Variants in DIAPH2 observed in about 807,000 individuals in gnomAD.
DIAPH2 encodes the protein protein diaphanous homolog 2.
In DIAPH2, 35 loss-of-function variants were observed where a neutral mutation model predicts 92.7. The observed-to-expected ratio is 0.38, with a 90% CI of 0.29 to 0.50. The LOEUF (loss-of-function observed/expected upper bound fraction) is 0.50. Among genes scored for constraint, DIAPH2 ranks in the 20% least tolerant of loss-of-function variants. DIAPH2 has a pLI of 0.94. For missense variants in DIAPH2, 701 were observed against 819.5 expected, an observed-to-expected ratio of 0.86 and a Z score of 1.77; for synonymous variants, 301 against 280.4, an observed-to-expected ratio of 1.07 and a Z score of -0.73.
chrX:97,232,084 A>T (rs2068013462), intron 22 of DIAPH2, among the ~76,000 whole-genome samples: 1 of 111,008 alleles, frequency 9.0e-6, no homozygotes, highest in African/African-American at 3.3e-5. Context: ...TGTAAACATC[A>T]GACTTTGTCA....
At chrX:97,532,802 C>T (rs1374131732) in intron 26 of DIAPH2, among the ~76,000 whole-genome samples, 9 of 97,421 alleles carry the variant, frequency 9.2e-5, no homozygotes, top group African/African-American at 3.0e-4. Context: ...AGTTCCTCCT[C>T]GTCAGCAGGG....
chrX:96,896,901 G>A (rs1011906437), intron 5 of DIAPH2, among the ~76,000 whole-genome samples: 23 of 111,495 alleles, frequency 2.1e-4, no homozygotes, highest in African/African-American at 7.5e-4. Context: ...TTTTTGTGTT[G>A]TTATTGCTTT....
chrX:97,019,256 T>C (rs2066281065), intron 17 of DIAPH2, among the ~76,000 whole-genome samples: 1 of 111,705 alleles, frequency 9.0e-6, no homozygotes, highest in Admixed American at 9.5e-5. Context: ...TGCTCAATCA[T>C]GGTAAGAGTA....
At chrX:97,259,868 C>T (rs1023633757) in intron 23 of DIAPH2, among the ~76,000 whole-genome samples, 1 of 112,404 alleles carries the variant, frequency 8.9e-6, no homozygotes, top group East Asian at 2.8e-4. Context: ...CTCACTCTGT[C>T]GTCCAGGCTG....
intron 22 of DIAPH2, among the ~76,000 whole-genome samples, chrX:97,236,796 G>T (rs907741525): frequency 2.6e-4 from 29 of 110,703 alleles, no homozygotes; most frequent in African/African-American, 8.8e-4. Context: ...CACCCGCCTC[G>T]GCCTCCCAAA....
chrX:96,984,084 A>G (rs1343111040), intron 17 of DIAPH2, among the ~76,000 whole-genome samples: 1 of 112,070 alleles, frequency 8.9e-6, no homozygotes, highest in East Asian at 2.8e-4. Context: ...TATGTGGTAT[A>G]TGTAGCTTCT....
intron 17 of DIAPH2, among the ~76,000 whole-genome samples, chrX:96,994,534 G>A (rs1486581785): frequency 1.8e-5 from 2 of 111,682 alleles, no homozygotes; most frequent in African/African-American, 3.3e-5. Context: ...GTCCATCCAC[G>A]TATGTATGGA....
At chrX:97,344,454 A>T (rs2069139183) in intron 23 of DIAPH2, among the ~76,000 whole-genome samples, 1 of 112,062 alleles carries the variant, frequency 8.9e-6, no homozygotes, top group Admixed American at 9.5e-5. Context: ...AAGTTTTTAA[A>T]ATTCCCACAT....
intron 23 of DIAPH2, among the ~76,000 whole-genome samples, chrX:97,248,590 G>A (rs1191453988): frequency 9.0e-6 from 1 of 111,285 alleles, no homozygotes; most frequent in East Asian, 2.8e-4. Flanking sequence ...AAAAGTTAAA[G>A]CCATATCCTC....
rs373761970 is a variant in DIAPH2 at position 97,013,991 on chromosome X, G to A, written c.2050+48784G>A. 1.6e-4 allele frequency among the ~76,000 whole-genome samples: 18 copies of A among 112,284 alleles called. No homozygotes were observed. The East Asian group carries it at 5.0e-3, about 31-fold the overall frequency. ...TAGGAAAGTAGAGAATGGCTCTGAT[G>A]ATAGAAAAATAGGAAAGAGCCTCTT... On this transcript the variant is annotated intron_variant, in intron 17 of 26. Transcript: ENST00000324765.
intron 23 of DIAPH2, among the ~76,000 whole-genome samples, chrX:97,342,034 T>C (rs1195314158): frequency 1.8e-5 from 2 of 112,490 alleles, no homozygotes; most frequent in Non-Finnish European, 1.9e-5. Context: ...TAATTTAGGC[T>C]GACCATCATT....
At chrX:96,799,057 GTTTT>G (rs72361356) in intron 4 of DIAPH2, among the ~76,000 whole-genome samples, 1 of 101,087 alleles carries the variant, frequency 9.9e-6, no homozygotes, top group Admixed American at 1.1e-4. Flanking sequence ...ATCTGGAACT[GTTTT>G]TTTTTTTTTC....
chrX:96,847,423 A>G (rs887338926), intron 4 of DIAPH2, among the ~76,000 whole-genome samples: 2 of 111,802 alleles, frequency 1.8e-5, no homozygotes, highest in Non-Finnish European at 3.8e-5. Flanking sequence ...CTTCTTAAAT[A>G]ATAGCTGTGT....
intron 22 of DIAPH2, among the ~76,000 whole-genome samples, chrX:97,204,284 A>G (rs1421222191): frequency 2.7e-5 from 3 of 111,911 alleles, no homozygotes; most frequent in African/African-American, 9.7e-5. Context: ...GGCCTCTCTC[A>G]CCACTCCTAT....
chrX:97,400,694 T>C (rs1011545389), intron 25 of DIAPH2, among the ~76,000 whole-genome samples: 4 of 111,105 alleles, frequency 3.6e-5, no homozygotes, highest in Admixed American at 9.6e-5. Flanking sequence ...CCCCCAGCTG[T>C]TGGCAACCAC....
intron 26 of DIAPH2, among the ~76,000 whole-genome samples, chrX:97,522,427 G>A (rs1013468982): frequency 1.6e-4 from 18 of 112,294 alleles, no homozygotes; most frequent in African/African-American, 5.5e-4. Context: ...GATTATAAGC[G>A]TGAGCCACCA....
chrX:96,962,792 AT>A (rs2147823568), intron 16 of DIAPH2, among the ~76,000 whole-genome samples: 1 of 108,934 alleles, frequency 9.2e-6, no homozygotes, highest in East Asian at 2.9e-4. Context: ...TATTCCTGTC[AT>A]TTTGTTAATT....
intron 17 of DIAPH2, among the ~76,000 whole-genome samples, chrX:97,015,416 C>G (rs369564952): frequency 1.8e-4 from 20 of 111,662 alleles, no homozygotes; most frequent in East Asian, 5.6e-4. Context: ...AAAAGTGACT[C>G]AAGTCAATTG....
chrX:97,384,937 T>C (rs982621380), intron 25 of DIAPH2, among the ~76,000 whole-genome samples: 5 of 110,563 alleles, frequency 4.5e-5, no homozygotes, highest in African/African-American at 9.9e-5. Flanking sequence ...TGACTGTATA[T>C]TGTTGGTGAG....
Sources: allele counts gnomAD v4.1 joint callset (sites outside exome capture counted in the v4.1 genomes callset), GRCh38; gene constraint gnomAD v4.1.1; transcripts MANE v1.5; gene names NCBI Gene and HGNC (gene_info 2026-07-23, HGNC 2026-07-21).